LRRC4C: variants seen among roughly 807,000 people sequenced by gnomAD.
LRRC4C encodes the protein leucine rich repeat containing 4C, also known as leucine-rich repeat-containing protein 4C.
Under a neutral mutation model 33.6 loss-of-function variants are expected in LRRC4C, and 5 were observed. The observed-to-expected ratio is 0.15, with a 90% CI of 0.08 to 0.31. The LOEUF (loss-of-function observed/expected upper bound fraction) is 0.31. LRRC4C is among the 10% of genes least tolerant of loss of function. The pLI is 1.00. For synonymous variants in LRRC4C, 329 were observed against 302.0 expected (o/e 1.09, Z -0.93); for missense variants, 560 against 796.7 (o/e 0.70, Z 3.58).
At chr11:40,599,051 T>G (rs1183278364) in intron 3 of LRRC4C, among the ~76,000 whole-genome samples, 3 of 152,170 alleles carry the variant, frequency 2.0e-5, no homozygotes, top group Admixed American at 2.0e-4. Context: ...TTTTGTTTTT[T>G]GAAAGTTCAA....
rs115776636 is a variant in LRRC4C, at chr11:41,278,691, T to C, written c.-496+180740A>G. ...TCCTGGGTGATGCTGCTGCTGGTCCTGGAATCACTGCTGAAGTGGAGGCTC... is the reference window on the plus strand; with the variant it reads ...TCCTGGGTGATGCTGCTGCTGGTCCCGGAATCACTGCTGAAGTGGAGGCTC... On this transcript the variant is annotated intron_variant, in intron 1 of 6. Coordinates refer to ENST00000528697, the MANE Select transcript of LRRC4C (RefSeq NM_001258419.2). 2.6e-3 allele frequency among the ~76,000 whole-genome samples: 396 copies of C among 152,354 alleles called. 1 individual carries two copies. Among genetic ancestry groups the C allele is most frequent in the African/African-American group, 9.0e-3 (373 of 41,590 alleles).
intron 2 of LRRC4C, among the ~76,000 whole-genome samples, chr11:40,740,651 A>G (rs1948114459): frequency 6.6e-6 from 1 of 151,956 alleles, no homozygotes; most frequent in South Asian, 2.1e-4. Flanking sequence ...CAGTTTGATT[A>G]GTTTATTTTT....
intron 2 of LRRC4C, among the ~76,000 whole-genome samples, chr11:40,800,691 C>T (rs1489432823): frequency 2.6e-5 from 4 of 152,142 alleles, no homozygotes; most frequent in Admixed American, 6.5e-5. Flanking sequence ...GTTCTTGCCA[C>T]TATACCACAC....
At chr11:41,138,661 A>C (rs1943370830) in intron 1 of LRRC4C, among the ~76,000 whole-genome samples, 1 of 152,320 alleles carries the variant, frequency 6.6e-6, no homozygotes, top group Non-Finnish European at 1.5e-5. Flanking sequence ...TAAATTGTGA[A>C]TATCCAATTG....
chr11:40,919,378 T>C (rs1225667985), intron 2 of LRRC4C, among the ~76,000 whole-genome samples: 6 of 152,182 alleles, frequency 3.9e-5, no homozygotes, highest in African/African-American at 1.4e-4. Context: ...AGTTCTTAAT[T>C]TGTAGAGTTA....
intron 4 of LRRC4C, among the ~76,000 whole-genome samples, chr11:40,255,307 A>C (rs1867117414): frequency 6.6e-6 from 1 of 152,090 alleles, no homozygotes; most frequent in African/African-American, 2.4e-5. Flanking sequence ...CAAGCAGAGG[A>C]AACAACAAAA....
chr11:40,363,695 A>G (rs764615987), intron 3 of LRRC4C, among the ~76,000 whole-genome samples: 1 of 152,188 alleles, frequency 6.6e-6, no homozygotes, highest in Non-Finnish European at 1.5e-5. Flanking sequence ...AAGGTTTATC[A>G]CTAGACACTC....
intron 1 of LRRC4C, among the ~76,000 whole-genome samples, chr11:41,013,148 G>C (rs960492280): frequency 2.0e-5 from 3 of 152,196 alleles, no homozygotes; most frequent in Non-Finnish European, 4.4e-5. Flanking sequence ...ATTCACGTAA[G>C]ATTGCCCAGT....
At chr11:41,296,261 C>T (rs1016669800) in intron 1 of LRRC4C, among the ~76,000 whole-genome samples, 14 of 152,012 alleles carry the variant, frequency 9.2e-5, no homozygotes, top group Admixed American at 9.2e-4. Context: ...TGTTCTGAGT[C>T]CCTGTTTCTT....
chr11:40,234,072 C>G (rs1297711267), intron 5 of LRRC4C, among the ~76,000 whole-genome samples: 1 of 152,170 alleles, frequency 6.6e-6, no homozygotes, highest in Non-Finnish European at 1.5e-5. Flanking sequence ...TTAACAAGTA[C>G]AGGAGACACG....
At chr11:40,209,545 A>G (rs752661869) in intron 5 of LRRC4C, among the ~76,000 whole-genome samples, 7 of 152,128 alleles carry the variant, frequency 4.6e-5, no homozygotes, top group Admixed American at 1.3e-4. Context: ...TAACAAAAAT[A>G]TATATACATA....
intron 3 of LRRC4C, among the ~76,000 whole-genome samples, chr11:40,595,318 T>C (rs1959209991): frequency 6.6e-6 from 1 of 152,074 alleles, no homozygotes; most frequent in Non-Finnish European, 1.5e-5. Context: ...TGACTTGAAA[T>C]AATATGAAAA....
chr11:40,914,528 G>A (rs1327569529), intron 2 of LRRC4C, among the ~76,000 whole-genome samples: 3 of 152,112 alleles, frequency 2.0e-5, no homozygotes, highest in Admixed American at 6.5e-5. Flanking sequence ...CAATAAATTA[G>A]GTATTGATGG....
At chr11:40,822,417 A>G (rs531176100) in intron 2 of LRRC4C, among the ~76,000 whole-genome samples, 3 of 151,526 alleles carry the variant, frequency 2.0e-5, no homozygotes, top group Admixed American at 6.6e-5. Context: ...TCATTCACTG[A>G]TGGACACTTA....
intron 3 of LRRC4C, among the ~76,000 whole-genome samples, chr11:40,501,969 A>T (rs915780711): frequency 6.6e-6 from 1 of 152,156 alleles, no homozygotes; most frequent in Non-Finnish European, 1.5e-5. Context: ...TCACCTCTTG[A>T]ATGCTTTGCT....
chr11:41,210,532 G>T (rs1392781989), intron 1 of LRRC4C, among the ~76,000 whole-genome samples: 1 of 151,930 alleles, frequency 6.6e-6, no homozygotes, highest in African/African-American at 2.4e-5. Flanking sequence ...CCCAGTCTTG[G>T]GTATGTCTTT....
chr11:40,695,260 T>C (rs1034444945), intron 2 of LRRC4C, among the ~76,000 whole-genome samples: 1 of 152,184 alleles, frequency 6.6e-6, no homozygotes, highest in African/African-American at 2.4e-5. Context: ...TATAATCCAA[T>C]AAGTATACTC....
intron 1 of LRRC4C, among the ~76,000 whole-genome samples, chr11:41,240,790 C>T (rs1213933751): frequency 6.6e-6 from 1 of 152,046 alleles, no homozygotes; most frequent in Non-Finnish European, 1.5e-5. Flanking sequence ...CAGAGAAGCA[C>T]TTTCATTAAA....
intron 1 of LRRC4C, among the ~76,000 whole-genome samples, chr11:41,026,869 A>C (rs1307676109): frequency 1.3e-5 from 2 of 151,700 alleles, no homozygotes; most frequent in Non-Finnish European, 3.0e-5. Context: ...TTAACAGACT[A>C]TGGTATAATG....
Sources: gnomAD v4.1 joint callset for allele counts (sites outside exome capture counted in the v4.1 genomes callset) on GRCh38, gnomAD v4.1.1 for gene constraint, MANE v1.5 for transcripts, NCBI Gene and HGNC (gene_info 2026-07-23, HGNC 2026-07-21) for gene names.